The following TMEM182 variants were observed in gnomAD, a reference collection of about 807,000 sequenced individuals.
The protein encoded by TMEM182 is transmembrane protein 182.
Under a neutral mutation model 26.8 loss-of-function variants are expected in TMEM182, and 20 were observed. The observed-to-expected ratio is 0.75, with a 90% CI of 0.53 to 1.09. The LOEUF is 1.09. TMEM182 is among the 50% of genes least tolerant of loss of function. The probability of loss-of-function intolerance (pLI) is 0.00; values close to 1 mark genes in which losing one functional copy is unlikely to be tolerated. For missense variants in TMEM182, 277 were observed against 275.5 expected (o/e 1.01, Z -0.04); for synonymous variants, 109 against 102.2 (o/e 1.07, Z -0.40).
At position 102,762,184 on chromosome 2, in the gene TMEM182, A is replaced by G; in HGVS notation, c.-34A>G. 3 of 1,555,826 alleles carry G rather than the reference A, an allele frequency of 1.9e-6. No individual in the cohort carries two copies. The highest frequency in any genetic ancestry group is 2.6e-6 in the Non-Finnish European group (3 of 1,142,602). Reference sequence around the variant, plus strand: ...AGGTGTCTTACCATTTTAAAATTTCATATTTTATTTAAAAGGAAACCAGTG... The same window carrying G: ...AGGTGTCTTACCATTTTAAAATTTCGTATTTTATTTAAAAGGAAACCAGTG... On this transcript the variant is annotated 5_prime_UTR_variant, in exon 1 of 5. Transcript: ENST00000412401.
At chr2:102,834,549 G>C (rs982311053) in intron 3 of TMEM182, 7 of 491,470 alleles carry the variant, frequency 1.4e-5, no homozygotes, top group East Asian at 3.0e-4. Flanking sequence ...ATATCCATGA[G>C]AGTGTTATTG....
chr2:102,820,724 A>G (rs1682900982), downstream of TMEM182, among the ~76,000 whole-genome samples: 2 of 152,248 alleles, frequency 1.3e-5, no homozygotes, highest in African/African-American at 4.8e-5. Context: ...GTGGCTGGCC[A>G]TTGAAGCAGG....
chr2:102,839,356 C>T (rs1224795683), intron 3 of TMEM182, among the ~76,000 whole-genome samples: 1 of 151,284 alleles, frequency 6.6e-6, no homozygotes, highest in Non-Finnish European at 1.5e-5. Flanking sequence ...TTAGTGGCTT[C>T]ACATCATACC....
At chr2:102,812,540 C>G (rs1453015364) in intron 4 of TMEM182, among the ~76,000 whole-genome samples, 12 of 152,026 alleles carry the variant, frequency 7.9e-5, no homozygotes, top group Admixed American at 7.9e-4. Context: ...ACTACTTTTC[C>G]TTCTTTTAAA....
At chr2:102,777,534 C>G (rs941083202) in intron 3 of TMEM182, among the ~76,000 whole-genome samples, 3 of 151,906 alleles carry the variant, frequency 2.0e-5, no homozygotes, top group Admixed American at 2.0e-4. Flanking sequence ...CTTTGTTATT[C>G]TAGCTTGATA....
intron 3 of TMEM182, among the ~76,000 whole-genome samples, chr2:102,766,041 G>T (rs1680419709): frequency 1.3e-5 from 2 of 152,132 alleles, no homozygotes; most frequent in Non-Finnish European, 2.9e-5. Flanking sequence ...TTTATAAAAT[G>T]AACTGAAAAG....
intron 4 of TMEM182, among the ~76,000 whole-genome samples, chr2:102,803,152 A>C (rs1682216122): frequency 2.0e-5 from 3 of 152,182 alleles, no homozygotes; most frequent in Admixed American, 2.0e-4. Context: ...CACAGAGGCC[A>C]AGTTGAGTCT....
chr2:102,817,799 G>A, downstream of TMEM182: 1 of 775,932 alleles, frequency 1.3e-6, no homozygotes, highest in Non-Finnish European at 1.6e-6. Context: ...TGGGTAGAAA[G>A]AGATACATTG....
chr2:102,771,348 C>T (rs1417054546), intron 3 of TMEM182, among the ~76,000 whole-genome samples: 3 of 152,286 alleles, frequency 2.0e-5, no homozygotes, highest in East Asian at 1.9e-4. Context: ...TGACTTTCAT[C>T]TGGGACCCCA....
At chr2:102,842,882 T>C (rs556928758) in intron 3 of TMEM182, among the ~76,000 whole-genome samples, 3 of 152,100 alleles carry the variant, frequency 2.0e-5, no homozygotes, top group Non-Finnish European at 4.4e-5. Flanking sequence ...CTTTGGGTGG[T>C]TGCCTGGATC....
intron 3 of TMEM182, among the ~76,000 whole-genome samples, chr2:102,784,744 T>C (rs1442414695): frequency 6.6e-6 from 1 of 152,234 alleles, no homozygotes; most frequent in Non-Finnish European, 1.5e-5. Flanking sequence ...CTCCCCTTTT[T>C]AGACCATATA....
chr2:102,816,530 A>T lies in TMEM182; in HGVS notation c.*1562A>T. On this transcript the variant is annotated 3_prime_UTR_variant, in exon 5 of 5. Transcript: ENST00000412401. ...CTTGCCAATAATAATAATAATAATA[A>T]TAATAATAATAATAATAAAGCTCCA... 2.1e-6 allele frequency: 2 copies of T among 962,180 alleles called. No individual in the cohort carries two copies. Among genetic ancestry groups the T allele is most frequent in the Non-Finnish European group, 2.5e-6 (2 of 810,630 alleles). 59.6% of individuals were successfully genotyped at this position (962,180 alleles called of 1,614,324 possible). A position where few individuals can be genotyped will look rare whatever the true frequency, so the allele number is the denominator to read the frequency against.
At chr2:102,746,748 C>T (rs944711015) in intron 1 of TMEM182, among the ~76,000 whole-genome samples, 2 of 152,120 alleles carry the variant, frequency 1.3e-5, no homozygotes, top group Non-Finnish European at 2.9e-5. Flanking sequence ...ACCACCACAC[C>T]CGGCTAATTT....
At chr2:102,741,304 A>C (rs1441124793) in intron 1 of TMEM182, among the ~76,000 whole-genome samples, 1 of 152,140 alleles carries the variant, frequency 6.6e-6, no homozygotes, top group Non-Finnish European at 1.5e-5. Flanking sequence ...ACTCTTAGAG[A>C]GTTAGTTTTA....
chr2:102,801,648 A>G (rs1682144503), intron 4 of TMEM182, among the ~76,000 whole-genome samples: 1 of 152,198 alleles, frequency 6.6e-6, no homozygotes, highest in Admixed American at 6.5e-5. Context: ...ATAAAACAAA[A>G]TACTTGAAGT....
intron 3 of TMEM182, among the ~76,000 whole-genome samples, chr2:102,780,538 T>C (rs1241275658): frequency 6.6e-6 from 1 of 152,168 alleles, no homozygotes; most frequent in African/African-American, 2.4e-5. Context: ...CCACTAGGCC[T>C]CCTATGACAC....
chr2:102,807,687 G>C (rs1167362107), intron 4 of TMEM182, among the ~76,000 whole-genome samples: 1 of 152,136 alleles, frequency 6.6e-6, no homozygotes, highest in African/African-American at 2.4e-5. Flanking sequence ...AAAGTTAAGA[G>C]TACATGTTGG....
intron 1 of TMEM182, among the ~76,000 whole-genome samples, chr2:102,755,450 G>A (rs1248880710): frequency 6.6e-6 from 1 of 152,114 alleles, no homozygotes; most frequent in Non-Finnish European, 1.5e-5. Context: ...ATCTTACCAG[G>A]TTCCAAAGTG....
chr2:102,784,637 G>A (rs879867610), intron 3 of TMEM182, among the ~76,000 whole-genome samples: 2 of 152,218 alleles, frequency 1.3e-5, no homozygotes, highest in African/African-American at 2.4e-5. Flanking sequence ...TAAAAGAATG[G>A]CTACTCCATA....
Sources: allele counts gnomAD v4.1 joint callset (sites outside exome capture counted in the v4.1 genomes callset), GRCh38; gene constraint gnomAD v4.1.1; transcripts MANE v1.5; gene names NCBI Gene and HGNC (gene_info 2026-07-23, HGNC 2026-07-21).